SLC9A8: variants seen among roughly 807,000 people sequenced by gnomAD.
SLC9A8 encodes sodium/hydrogen exchanger 8.
Under a neutral mutation model 66.6 loss-of-function variants are expected in SLC9A8, and 48 were observed. That is an observed-to-expected ratio of 0.72 (90% CI 0.57 to 0.92). The LOEUF is 0.92. Among genes scored for constraint, SLC9A8 ranks in the 40% least tolerant of loss-of-function variants. The pLI, the probability that SLC9A8 is intolerant of heterozygous loss-of-function variation, is 0.00. For synonymous variants in SLC9A8, 274 were observed against 282.6 expected (o/e 0.97, Z 0.31); for missense variants, 599 against 747.3 (o/e 0.80, Z 2.31).
chr20:49,855,985 G>A (rs2088463694), intron 8 of SLC9A8, among the ~76,000 whole-genome samples: 1 of 152,096 alleles, frequency 6.6e-6, no homozygotes, highest in African/African-American at 2.4e-5. Flanking sequence ...GTAGAGATGG[G>A]GTTCGCCATG....
chr20:49,880,900 GACTT>G lies in SLC9A8; in HGVS notation c.1159-22_1159-19del. The G allele has an allele frequency of 6.6e-7, 1 of 1,509,894 alleles. No individual in the cohort carries two copies. Among genetic ancestry groups the G allele is most frequent in the East Asian group, 2.3e-5 (1 of 44,346 alleles). The allele number at this position is 1,509,894 out of a possible 1,614,324, so 93.5% of individuals were successfully genotyped here. A position where few individuals can be genotyped will look rare whatever the true frequency, so the allele number is the denominator to read the frequency against. ...TGAAGAGCCAGATGTTTTCACCTAA[GACTT>G]AGTTTGTTGCTATCAACAGGTGCTT... On this transcript the variant is annotated intron_variant, in intron 12 of 15. Transcript: ENST00000361573.
intron 4 of SLC9A8, among the ~76,000 whole-genome samples, chr20:49,842,184 C>G (rs1277933034): frequency 6.6e-6 from 1 of 151,884 alleles, no homozygotes; most frequent in Non-Finnish European, 1.5e-5. Flanking sequence ...GTTCTCCTGC[C>G]TCAACCTCCT....
intron 3 of SLC9A8, among the ~76,000 whole-genome samples, chr20:49,824,018 T>G (rs1471914017): frequency 6.6e-6 from 1 of 152,208 alleles, no homozygotes; most frequent in African/African-American, 2.4e-5. Context: ...TGGAAATGAT[T>G]GTTTAGACTC....
In SLC9A8 at chr20:49,886,789, C is replaced by T. The variant is rs2089907759; in HGVS notation, c.1529C>T (p.Thr510Met). ...TVESEHLSEL[T>M]EEEYEAHYIR... ...GAGTCGGAGCACCTGTCGGAGCTCA[C>T]GGAGGAGGAGTACGAGGCCCACTAC... The change falls in exon 15 of 16, where the codon ACG (threonine) becomes ATG (methionine). Residue 510 changes from threonine to methionine, a missense_variant. Physicochemically the swap from Thr to Met is moderately conservative, Grantham distance 81 (BLOSUM62 -1). Coordinates refer to ENST00000361573, the MANE Select transcript of SLC9A8 (RefSeq NM_015266.3). This position sits in a 1 kb window ranked among gnomAD's most constrained non-coding sequence, Gnocchi z 4.8. The T allele has an allele frequency of 1.9e-6, 3 of 1,614,100 alleles. No homozygotes were observed. Among genetic ancestry groups the T allele is most frequent in the Non-Finnish European group, 2.5e-6 (3 of 1,179,972 alleles).
At chr20:49,825,925 A>G (rs1334803498) in intron 3 of SLC9A8, among the ~76,000 whole-genome samples, 1 of 152,164 alleles carries the variant, frequency 6.6e-6, no homozygotes, top group Non-Finnish European at 1.5e-5. Flanking sequence ...TCTTTCTGGC[A>G]CCAAAAGTTG....
rs897741365 is a variant in SLC9A8 at position 49,813,270 on chromosome 20, TC to T, written c.26+324del. On this transcript the variant is annotated intron_variant, in intron 1 of 15. Coordinates refer to ENST00000361573, the MANE Select transcript of SLC9A8 (RefSeq NM_015266.3). ...CATGGTTACTGAGCCCTCTTCCGCC[TC>T]CTCCAGGAAGTCGTCCGGGTTCTCC... 2.0e-4 allele frequency among the ~76,000 whole-genome samples: 30 copies of T among 152,316 alleles called. No homozygotes were observed. The South Asian group carries it at 2.3e-3, about 12-fold the overall frequency.
chr20:49,891,231 C>G lies in SLC9A8; in HGVS notation c.*3295C>G, dbSNP rs1169149042. On this transcript the variant is annotated 3_prime_UTR_variant, in exon 16 of 16. Transcript: ENST00000361573. ...AGAGAAAAGGCCCCCCTCCACCCCCCGCATTCCCTGCCGAGTGAGAGCCAG... is the reference window on the plus strand; with the variant it reads ...AGAGAAAAGGCCCCCCTCCACCCCCGGCATTCCCTGCCGAGTGAGAGCCAG... The G allele has an allele frequency of 6.6e-6, 1 of 152,290 alleles. No homozygotes were observed. The highest frequency in any genetic ancestry group is 1.5e-5 in the Non-Finnish European group (1 of 68,152). 9.4% of individuals were successfully genotyped at this position (152,290 alleles called of 1,614,324 possible). A position where few individuals can be genotyped will look rare whatever the true frequency, so the allele number is the denominator to read the frequency against.
At chr20:49,817,357 A>G (rs2086589630) in intron 2 of SLC9A8, among the ~76,000 whole-genome samples, 3 of 152,004 alleles carry the variant, frequency 2.0e-5, no homozygotes, top group Non-Finnish European at 4.4e-5. Context: ...CTTGTTTGAA[A>G]GTGAAACAAG....
intron 3 of SLC9A8, among the ~76,000 whole-genome samples, chr20:49,834,417 ACT>A (rs2087424007): frequency 2.4e-5 from 1 of 42,004 alleles, no homozygotes; most frequent in Non-Finnish European, 4.5e-5. Flanking sequence ...ATATATATAT[ACT>A]GTATATATAT....
In SLC9A8 at chr20:49,887,956, A is replaced by G. The variant is rs2089951002; in HGVS notation, c.*20A>G. ...CTCTGACGCCAGGTGCCAAGGCTTC[A>G]GGCAGGCAGGCCCAGGATGGGCGTT... On this transcript the variant is annotated 3_prime_UTR_variant, in exon 16 of 16. Transcript: ENST00000361573. The G allele has an allele frequency of 1.9e-6, 3 of 1,591,728 alleles. No homozygotes were observed. The highest frequency in any genetic ancestry group is 1.7e-6 in the Non-Finnish European group (2 of 1,160,344).
chr20:49,834,235 TAC>T (rs1340418384), intron 3 of SLC9A8, among the ~76,000 whole-genome samples: 1 of 142,370 alleles, frequency 7.0e-6, no homozygotes, highest in Non-Finnish European at 1.5e-5. Flanking sequence ...ACTATGTATA[TAC>T]ACACACTGTA....
At chr20:49,869,768 G>A (rs1055094043) in intron 10 of SLC9A8, among the ~76,000 whole-genome samples, 2 of 151,986 alleles carry the variant, frequency 1.3e-5, no homozygotes, top group African/African-American at 4.8e-5. Context: ...GGGAAGCAGA[G>A]GTTGCAGTGA....
intron 7 of SLC9A8, among the ~76,000 whole-genome samples, chr20:49,851,481 C>G (rs774092424): frequency 2.0e-5 from 3 of 152,184 alleles, no homozygotes; most frequent in Admixed American, 6.5e-5. Flanking sequence ...TGGGTTCCCC[C>G]CTCTGAGAGC....
chr20:49,830,949 G>C, intron 3 of SLC9A8: 1 of 811,936 alleles, frequency 1.2e-6, no homozygotes, highest in Admixed American at 1.7e-5. Flanking sequence ...AAGGATCTCT[G>C]CTTAGCCATT....
In SLC9A8 at chr20:49,824,948, T is replaced by G. The variant is rs993528652; in HGVS notation, c.289+1807T>G. 2.6e-5 allele frequency among the ~76,000 whole-genome samples: 4 copies of G among 152,168 alleles called. 1 individual carries two copies. Among genetic ancestry groups the G allele is most frequent in the African/African-American group, 9.7e-5 (4 of 41,446 alleles). ...GAGGTAGTGGGTCCTGGAAAATGTT[T>G]TCCTCTCAGATAGTAATGAGACATT... is the stretch of plus-strand genomic sequence containing the variant. On this transcript the variant is annotated intron_variant, in intron 3 of 15. Coordinates refer to ENST00000361573, the MANE Select transcript of SLC9A8 (RefSeq NM_015266.3).
intron 7 of SLC9A8, among the ~76,000 whole-genome samples, chr20:49,853,660 C>T (rs1201774103): frequency 6.6e-6 from 1 of 152,248 alleles, no homozygotes; most frequent in Non-Finnish European, 1.5e-5. Context: ...TTCCCACCTG[C>T]CTGCCTGCTT....
At chr20:49,834,421 TATATATATA>T in intron 3 of SLC9A8, among the ~76,000 whole-genome samples, 4 of 29,160 alleles carry the variant, frequency 1.4e-4, no homozygotes, top group Non-Finnish European at 2.0e-4. Context: ...ATATATACTG[TATATATATA>T]CTGTATATAT....
At chr20:49,883,483 G>A (rs2089707789) in intron 13 of SLC9A8, among the ~76,000 whole-genome samples, 1 of 152,178 alleles carries the variant, frequency 6.6e-6, no homozygotes, top group African/African-American at 2.4e-5. Flanking sequence ...TCTGCACACT[G>A]AGCACCTGCC....
chr20:49,884,407 G>C (rs113990468), intron 14 of SLC9A8, among the ~76,000 whole-genome samples: 2 of 151,940 alleles, frequency 1.3e-5, no homozygotes, highest in Non-Finnish European at 2.9e-5. Flanking sequence ...TGGGGTGGGG[G>C]TGTCTGGTGG....
Sources: gnomAD v4.1 joint callset for allele counts (sites outside exome capture counted in the v4.1 genomes callset) on GRCh38, gnomAD v4.1.1 for gene constraint, Gnocchi (gnomAD v3.1) non-coding constraint, MANE v1.5 for transcripts, NCBI Gene and HGNC (gene_info 2026-07-23, HGNC 2026-07-21) for gene names.